The following KAT6B variants were observed in gnomAD, a reference collection of about 807,000 sequenced individuals.
KAT6B encodes the protein lysine acetyltransferase 6B, also known as histone acetyltransferase KAT6B.
A neutral mutation model predicts 187.5 loss-of-function variants in KAT6B; 10 were observed. The observed-to-expected ratio is 0.05, with a 90% CI of 0.03 to 0.09. The LOEUF (loss-of-function observed/expected upper bound fraction) is 0.09, where lower values mean the gene tolerates loss of function less well. KAT6B is among the 10% of genes least tolerant of loss of function. KAT6B has a pLI of 1.00. For synonymous variants in KAT6B, 861 were observed against 926.8 expected (o/e 0.93, Z 1.29); for missense variants, 1,952 against 2,558.9 (o/e 0.76, Z 5.12).
intron 2 of KAT6B, among the ~76,000 whole-genome samples, chr10:74,840,019 T>C (rs1841612994): frequency 6.6e-6 from 1 of 152,170 alleles, no homozygotes; most frequent in Admixed American, 6.5e-5. Flanking sequence ...CGAGATGAAA[T>C]TGAACGGTAA....
chr10:74,886,946 G>A (rs1216852707), intron 3 of KAT6B, among the ~76,000 whole-genome samples: 1 of 152,124 alleles, frequency 6.6e-6, no homozygotes, highest in East Asian at 1.9e-4. Context: ...AGTAGGTTAT[G>A]GCATATCTTG....
At chr10:74,905,794 G>T (rs1156404572) in intron 3 of KAT6B, among the ~76,000 whole-genome samples, 1 of 152,012 alleles carries the variant, frequency 6.6e-6, no homozygotes, top group African/African-American at 2.4e-5. Flanking sequence ...ACTCTTGGTC[G>T]GTTTATTACT....
intron 3 of KAT6B, among the ~76,000 whole-genome samples, chr10:74,945,742 G>T (rs1009733802): frequency 6.6e-6 from 1 of 152,076 alleles, no homozygotes; most frequent in African/African-American, 2.4e-5. Context: ...GAGCCACTGT[G>T]CCCGCCGGCC....
intron 13 of KAT6B, among the ~76,000 whole-genome samples, chr10:74,997,791 GT>G (rs960089105): frequency 4.8e-4 from 71 of 146,730 alleles, no homozygotes; most frequent in Middle Eastern, 3.5e-3. Flanking sequence ...ACATCTAATG[GT>G]TTTTTTTTTT....
chr10:74,943,199 A>T (rs1849827166), intron 3 of KAT6B, among the ~76,000 whole-genome samples: 1 of 152,250 alleles, frequency 6.6e-6, no homozygotes. Context: ...GAAGATTCAG[A>T]ACCTGAAATA....
At chr10:74,992,099 T>C (rs1843153358) in intron 13 of KAT6B, among the ~76,000 whole-genome samples, 2 of 152,254 alleles carry the variant, frequency 1.3e-5, no homozygotes, top group African/African-American at 4.8e-5. Context: ...GTTAAATTTA[T>C]TTTATTTCTA....
At chr10:74,853,871 T>G (rs1842649571) in intron 3 of KAT6B, among the ~76,000 whole-genome samples, 1 of 149,388 alleles carries the variant, frequency 6.7e-6, no homozygotes. Flanking sequence ...CCTTGTGATC[T>G]GCCCACCTCG....
At chr10:74,914,629 G>A (rs1847519278) in intron 3 of KAT6B, among the ~76,000 whole-genome samples, 1 of 152,140 alleles carries the variant, frequency 6.6e-6, no homozygotes, top group African/African-American at 2.4e-5. Context: ...CTCTAATAAT[G>A]AGCCATCGTT....
chr10:74,924,712 TTC>T (rs1215730869), intron 3 of KAT6B, among the ~76,000 whole-genome samples: 3 of 152,188 alleles, frequency 2.0e-5, no homozygotes, highest in African/African-American at 4.8e-5. Context: ...AAATTAGAAA[TTC>T]TGTTACTTAC....
At chr10:74,850,719 T>C (rs919135616) in intron 3 of KAT6B, among the ~76,000 whole-genome samples, 5 of 152,222 alleles carry the variant, frequency 3.3e-5, no homozygotes, top group Non-Finnish European at 7.3e-5. Flanking sequence ...TATGAGGACT[T>C]TGGAAAGTCA....
At chr10:74,988,942 A>C in intron 12 of KAT6B, 77 bp from the exon 13 acceptor site, 1 of 988,068 alleles carries the variant, frequency 1.0e-6, no homozygotes, top group Non-Finnish European at 1.6e-6. Flanking sequence ...ACAGTTTTAC[A>C]AGGACAGTGG....
Position 74,975,949 on chromosome 10 carries a change from A to T in KAT6B, c.1612A>T (p.Ser538Cys). 2 of 1,614,130 alleles carry T rather than the reference A, an allele frequency of 1.2e-6. No individual in the cohort carries two copies. Among genetic ancestry groups the T allele is most frequent in the Non-Finnish European group, 1.7e-6 (2 of 1,180,032 alleles). Residue 538 changes from serine to cysteine, a missense_variant, in exon 8 of 18, where the codon AGC becomes TGC. Ser to Cys is a moderately radical substitution (Grantham distance 112). Transcript: ENST00000287239. Reference protein sequence around the residue: ...VPSLSSLTTNSQLKALFDGLS... With the variant: ...VPSLSSLTTNCQLKALFDGLS... Reference sequence around the variant, plus strand: ...CTCCCTGAGCAGCCTTACCACTAACAGCCAGCTGAAGGCACTCTTTGATGG... The same window carrying T: ...CTCCCTGAGCAGCCTTACCACTAACTGCCAGCTGAAGGCACTCTTTGATGG...
chr10:74,918,206 T>G (rs969346359), intron 3 of KAT6B, among the ~76,000 whole-genome samples: 3 of 152,236 alleles, frequency 2.0e-5, no homozygotes, highest in Non-Finnish European at 4.4e-5. Flanking sequence ...ATTTATTCTG[T>G]AATGCCTATT....
intron 13 of KAT6B, among the ~76,000 whole-genome samples, chr10:74,997,321 A>T (rs1237210716): frequency 1.3e-5 from 2 of 151,872 alleles, no homozygotes; most frequent in Non-Finnish European, 1.5e-5. Context: ...AGAAAAGGAA[A>T]ATCACTGGTG....
At chr10:74,993,257 C>T (rs543897951) in intron 13 of KAT6B, among the ~76,000 whole-genome samples, 2 of 152,338 alleles carry the variant, frequency 1.3e-5, no homozygotes, top group East Asian at 1.9e-4. Context: ...TTATCCATCT[C>T]ACTATTTTTT....
At chr10:74,847,195 TTTAG>T (rs1264967378) in intron 3 of KAT6B, among the ~76,000 whole-genome samples, 2 of 152,256 alleles carry the variant, frequency 1.3e-5, no homozygotes, top group Non-Finnish European at 2.9e-5. Context: ...CTTTAAATTG[TTTAG>T]TTAGCATCAT....
intron 2 of KAT6B, 94 bp downstream of exon 2, chr10:74,838,846 A>G (rs1043081629): frequency 2.0e-5 from 3 of 152,212 alleles, no homozygotes; most frequent in African/African-American, 7.2e-5. Flanking sequence ...TTTTATGGAT[A>G]TAAATGATTG....
At chr10:74,888,768 T>G (rs1278205311) in intron 3 of KAT6B, among the ~76,000 whole-genome samples, 17 of 152,160 alleles carry the variant, frequency 1.1e-4, no homozygotes, top group Non-Finnish European at 2.4e-4. Flanking sequence ...TGGTGAAATA[T>G]TGGAATGATT....
intron 3 of KAT6B, among the ~76,000 whole-genome samples, chr10:74,848,917 G>T (rs1199704670): frequency 1.3e-5 from 2 of 152,120 alleles, no homozygotes. Context: ...TTGCATTGTG[G>T]GAGGAAATTT....
Sources: gnomAD v4.1 joint callset for allele counts (sites outside exome capture counted in the v4.1 genomes callset) on GRCh38, gnomAD v4.1.1 for gene constraint, MANE v1.5 for transcripts, NCBI Gene and HGNC (gene_info 2026-07-23, HGNC 2026-07-21) for gene names.